Variants in SYNPO2 observed in about 807,000 individuals in gnomAD.
SYNPO2 encodes the protein synaptopodin 2, also known as synaptopodin-2.
A neutral mutation model predicts 85.0 loss-of-function variants in SYNPO2; 56 were observed. The ratio of observed to expected loss-of-function variants is 0.66; its 90% CI spans 0.53 to 0.82. The LOEUF is 0.82. Among genes scored for constraint, SYNPO2 ranks in the 40% least tolerant of loss-of-function variants. The pLI is 0.00. For synonymous variants in SYNPO2, 602 were observed against 591.1 expected, an observed-to-expected ratio of 1.02 and a Z score of -0.27; for missense variants, 1,575 against 1,534.2, an observed-to-expected ratio of 1.03 and a Z score of -0.44.
chr4:118,879,108 A>C (rs1048598850), intron 1 of SYNPO2, among the ~76,000 whole-genome samples: 1 of 152,170 alleles, frequency 6.6e-6, no homozygotes, highest in South Asian at 2.1e-4. Context: ...TGAAGTGAAC[A>C]AGACCACAGA....
intron 1 of SYNPO2, among the ~76,000 whole-genome samples, chr4:118,975,449 A>G (rs1735687276): frequency 6.6e-6 from 1 of 152,190 alleles, no homozygotes; most frequent in Non-Finnish European, 1.5e-5. Context: ...AGGATCCAAT[A>G]CAACCATTAT....
chr4:118,899,876 C>T (rs970171773), intron 1 of SYNPO2, among the ~76,000 whole-genome samples: 4 of 152,196 alleles, frequency 2.6e-5, no homozygotes, highest in Admixed American at 6.5e-5. Context: ...ATTCTCCTGC[C>T]TCAGCCTCCT....
At chr4:119,036,503 C>T in intron 4 of SYNPO2, 2 of 985,396 alleles carry the variant, frequency 2.0e-6, no homozygotes, top group Non-Finnish European at 2.4e-6. Context: ...AGATGTCCTA[C>T]CAGGGTTGGC....
intron 1 of SYNPO2, among the ~76,000 whole-genome samples, chr4:118,955,768 T>C (rs920396222): frequency 1.3e-5 from 2 of 152,118 alleles, no homozygotes; most frequent in Non-Finnish European, 2.9e-5. Context: ...TGGACTTCAT[T>C]TCATAGACAA....
chr4:118,990,237 A>G (rs567817035), intron 1 of SYNPO2, among the ~76,000 whole-genome samples: 2 of 152,162 alleles, frequency 1.3e-5, no homozygotes, highest in Non-Finnish European at 2.9e-5. Context: ...GACAGCTCAC[A>G]TGGTGCACAG....
chr4:118,975,512 G>A (rs1735689868), intron 1 of SYNPO2, among the ~76,000 whole-genome samples: 1 of 152,178 alleles, frequency 6.6e-6, no homozygotes, highest in Non-Finnish European at 1.5e-5. Flanking sequence ...CTAACAAGTG[G>A]TAGCAGAGTC....
intron 1 of SYNPO2, among the ~76,000 whole-genome samples, chr4:118,895,772 C>T (rs1420764058): frequency 1.3e-5 from 2 of 152,198 alleles, no homozygotes; most frequent in African/African-American, 4.8e-5. Flanking sequence ...TTGTGACATA[C>T]ACATTATACC....
intron 1 of SYNPO2, among the ~76,000 whole-genome samples, chr4:118,866,745 C>G (rs1731705202): frequency 6.6e-6 from 1 of 152,110 alleles, no homozygotes; most frequent in Non-Finnish European, 1.5e-5. Context: ...CCCCTTCACT[C>G]TTTCTCTCTC....
At chr4:119,026,410 G>C (rs1277815638) in intron 2 of SYNPO2, among the ~76,000 whole-genome samples, 1 of 152,166 alleles carries the variant, frequency 6.6e-6, no homozygotes, top group Non-Finnish European at 1.5e-5. Context: ...TCTTGTGTAA[G>C]AGTTTCTTTG....
Position 118,958,979 on chromosome 4 carries a change from T to C in SYNPO2, c.106-64451T>C, listed in dbSNP as rs567977419. On this transcript the variant is annotated intron_variant, in intron 1 of 4. Transcript: ENST00000307142. The stretch of plus-strand genomic sequence containing the variant: ...TTTCTCTAAGGTATCAATGTTTACA[T>C]GGTAAGACAGATGACATTTTGACCC... Among the ~76,000 whole-genome samples the C allele has an allele frequency of 2.0e-5, 3 of 152,322 alleles. No homozygotes were observed. The East Asian group carries it at 5.8e-4, about 29-fold the overall frequency.
chr4:119,023,351 G>A, intron 1 of SYNPO2, 79 bp from the exon 2 acceptor site: 1 of 1,450,234 alleles, frequency 6.9e-7, no homozygotes, highest in Non-Finnish European at 9.2e-7. Context: ...ACTGTTGACA[G>A]ATTTGTTTCT....
intron 4 of SYNPO2, chr4:119,034,872 A>G (rs759206528): frequency 4.0e-5 from 39 of 985,328 alleles, no homozygotes; most frequent in Middle Eastern, 5.2e-4. Context: ...GTACATTTTC[A>G]ATCTGAGTGT....
intron 1 of SYNPO2, among the ~76,000 whole-genome samples, chr4:118,989,885 A>AC (rs1251994799): frequency 6.6e-6 from 1 of 151,906 alleles, no homozygotes; most frequent in African/African-American, 2.4e-5. Flanking sequence ...GGCTGCAAAG[A>AC]CCCCCGTCCA....
rs1320266264 is a variant in SYNPO2, at chr4:119,031,185, T to A, written c.2410T>A (p.Ser804Thr). ...TSNPSKGTVVSSIKIAQPSYP... is the reference protein window; with the variant it reads ...TSNPSKGTVVTSIKIAQPSYP... Reference sequence around the variant, plus strand: ...CAACCCATCAAAGGGCACCGTTGTCTCCTCCATCAAAATAGCCCAGCCTTC... The same window carrying A: ...CAACCCATCAAAGGGCACCGTTGTCACCTCCATCAAAATAGCCCAGCCTTC... The change falls in exon 4 of 5, where the codon TCC becomes ACC. Residue 804 changes from serine (S) to threonine (T), a missense_variant. By Grantham distance (58) the Ser-to-Thr change is moderately conservative. This residue lies in a region of SYNPO2 where 1,508 missense variants were observed against 1,446.8 expected (regional missense o/e 1.04). Coordinates refer to ENST00000307142, the MANE Select transcript of SYNPO2 (RefSeq NM_133477.3). 1.9e-6 allele frequency: 3 copies of A among 1,614,026 alleles called. No homozygotes were observed. Among genetic ancestry groups the A allele is most frequent in the Non-Finnish European group, 2.5e-6 (3 of 1,180,004 alleles).
At chr4:118,973,626 G>A (rs1735618995) in intron 1 of SYNPO2, among the ~76,000 whole-genome samples, 1 of 152,022 alleles carries the variant, frequency 6.6e-6, no homozygotes, top group South Asian at 2.1e-4. Context: ...TGCGTGTTGA[G>A]TTATTTACTG....
intron 1 of SYNPO2, among the ~76,000 whole-genome samples, chr4:118,909,225 G>T (rs1733050865): frequency 6.6e-6 from 1 of 152,174 alleles, no homozygotes; most frequent in Admixed American, 6.5e-5. Flanking sequence ...CTCTTTTCAG[G>T]GTTGTGAAAC....
chr4:118,896,408 G>A (rs547219192), intron 1 of SYNPO2, among the ~76,000 whole-genome samples: 2 of 152,158 alleles, frequency 1.3e-5, no homozygotes, highest in Non-Finnish European at 2.9e-5. Context: ...TAACAGATTC[G>A]TGATGAAACT....
intron 1 of SYNPO2, among the ~76,000 whole-genome samples, chr4:118,967,097 C>T (rs1044043244): frequency 4.6e-5 from 7 of 152,126 alleles, no homozygotes; most frequent in African/African-American, 1.2e-4. Context: ...AACCTTATAA[C>T]ACAGGAGTGT....
At chr4:118,891,690 T>G (rs1732385173) in intron 1 of SYNPO2, among the ~76,000 whole-genome samples, 2 of 152,184 alleles carry the variant, frequency 1.3e-5, no homozygotes, top group Admixed American at 1.3e-4. Context: ...GGGCATAAAC[T>G]TTCTCTTCTT....
Sources: gnomAD v4.1 joint callset for allele counts (sites outside exome capture counted in the v4.1 genomes callset) on GRCh38, gnomAD v4.1.1 for gene constraint, gnomAD v4.1.1 regional missense constraint, MANE v1.5 for transcripts, NCBI Gene and HGNC (gene_info 2026-07-23, HGNC 2026-07-21) for gene names.